GBE1: variants seen among roughly 807,000 people sequenced by gnomAD.
GBE1 encodes 1,4-alpha-glucan-branching enzyme.
A neutral mutation model predicts 88.8 loss-of-function variants in GBE1; 70 were observed. That is an observed-to-expected ratio of 0.79 (90% CI 0.65 to 0.96). GBE1 has a LOEUF of 0.96. Ranked by LOEUF, GBE1 falls within the 40% of genes least tolerant of loss-of-function variation. The pLI is 0.00. For synonymous variants in GBE1, 284 were observed against 300.1 expected (o/e 0.95, Z 0.56); for missense variants, 872 against 871.0 (o/e 1.00, Z -0.01).
intron 1 of GBE1, among the ~76,000 whole-genome samples, chr3:81,724,976 T>C (rs1304792690): frequency 6.6e-6 from 1 of 152,172 alleles, no homozygotes; most frequent in Non-Finnish European, 1.5e-5. Flanking sequence ...CCAAAATGCC[T>C]GTTACTGGAC....
chr3:81,724,169 G>A (rs1001543852), intron 1 of GBE1, among the ~76,000 whole-genome samples: 4 of 152,216 alleles, frequency 2.6e-5, no homozygotes, highest in South Asian at 2.1e-4. Context: ...CAGTGAACAT[G>A]GCTATAATTG....
At chr3:81,682,262 A>G (rs1232619443) in intron 2 of GBE1, among the ~76,000 whole-genome samples, 1 of 152,132 alleles carries the variant, frequency 6.6e-6, no homozygotes, top group African/African-American at 2.4e-5. Context: ...CAGGAATTCA[A>G]GACCACCCTG....
At chr3:81,719,441 T>C (rs543713186) in intron 1 of GBE1, among the ~76,000 whole-genome samples, 1 of 152,244 alleles carries the variant, frequency 6.6e-6, no homozygotes, top group Non-Finnish European at 1.5e-5. Flanking sequence ...GGTGTCAAAC[T>C]CCTGACCTCA....
chr3:81,604,132 C>A (rs927167984), intron 7 of GBE1, among the ~76,000 whole-genome samples: 5 of 152,042 alleles, frequency 3.3e-5, no homozygotes, highest in Admixed American at 1.3e-4. Context: ...CCTGTTTTCC[C>A]AACATAATCA....
At chr3:81,613,004 G>T in intron 7 of GBE1, 1 of 495,000 alleles carries the variant, frequency 2.0e-6, no homozygotes, top group Non-Finnish European at 3.4e-6. Flanking sequence ...ATGAAGTAGG[G>T]GATAAGGATG....
chr3:81,718,378 G>A (rs930862639), intron 1 of GBE1, among the ~76,000 whole-genome samples: 2 of 152,150 alleles, frequency 1.3e-5, no homozygotes, highest in African/African-American at 4.8e-5. Context: ...AGTATCTTAT[G>A]GAGTACTTAC....
chr3:81,496,354 G>A (rs557909670), intron 15 of GBE1, among the ~76,000 whole-genome samples: 1 of 152,314 alleles, frequency 6.6e-6, no homozygotes, highest in African/African-American at 2.4e-5. Context: ...GCTGCAGCAT[G>A]TATGGCTATT....
At chr3:81,569,232 G>T (rs1469911749) in intron 12 of GBE1, among the ~76,000 whole-genome samples, 4 of 151,376 alleles carry the variant, frequency 2.6e-5, no homozygotes, top group Admixed American at 1.3e-4. Context: ...AAACAATAGG[G>T]GAATTAAAAA....
At chr3:81,612,967 C>A in intron 7 of GBE1, 2 of 403,800 alleles carry the variant, frequency 5.0e-6, no homozygotes, top group South Asian at 4.5e-5. Flanking sequence ...GATGATGACG[C>A]AAAGGAGGAA....
intron 7 of GBE1, among the ~76,000 whole-genome samples, chr3:81,603,128 T>C (rs1226245396): frequency 6.6e-6 from 1 of 152,156 alleles, no homozygotes; most frequent in Non-Finnish European, 1.5e-5. Flanking sequence ...CCCTTTCCTC[T>C]TTGTTAGCCT....
At chr3:81,644,104 C>T (rs1191744212) in intron 6 of GBE1, among the ~76,000 whole-genome samples, 1 of 151,794 alleles carries the variant, frequency 6.6e-6, no homozygotes, top group Non-Finnish European at 1.5e-5. Flanking sequence ...ATTTGTTTGC[C>T]ACTTACTAAA....
intron 2 of GBE1, among the ~76,000 whole-genome samples, chr3:81,676,035 A>AT (rs1262115298): frequency 6.6e-6 from 1 of 151,986 alleles, no homozygotes; most frequent in Non-Finnish European, 1.5e-5. Context: ...GTTTCTTATG[A>AT]TTTTCTTAAT....
intron 6 of GBE1, among the ~76,000 whole-genome samples, chr3:81,646,184 C>T (rs367950408): frequency 6.6e-6 from 1 of 152,150 alleles, no homozygotes; most frequent in African/African-American, 2.4e-5. Context: ...CACAAATCAT[C>T]CCACGAGGAG....
At chr3:81,703,456 A>G (rs1310313015) in intron 2 of GBE1, among the ~76,000 whole-genome samples, 4 of 152,024 alleles carry the variant, frequency 2.6e-5, no homozygotes, top group Non-Finnish European at 5.9e-5. Flanking sequence ...CTTTCCAGTA[A>G]AGAAGCCAGT....
chr3:81,629,034 T>A (rs1704465605), intron 7 of GBE1, among the ~76,000 whole-genome samples: 1 of 145,432 alleles, frequency 6.9e-6, no homozygotes. Context: ...TTTTTTTTTT[T>A]TTTTTTATTA....
intron 3 of GBE1, among the ~76,000 whole-genome samples, chr3:81,669,502 C>G (rs1171257563): frequency 6.6e-6 from 1 of 151,982 alleles, no homozygotes; most frequent in African/African-American, 2.4e-5. Context: ...ATCGAAGAAT[C>G]AAATTATTTG....
At chr3:81,680,787 G>C (rs895991606) in intron 2 of GBE1, among the ~76,000 whole-genome samples, 1 of 152,182 alleles carries the variant, frequency 6.6e-6, no homozygotes, top group African/African-American at 2.4e-5. Context: ...TGTATTAAAG[G>C]AATCCCAGAG....
intron 11 of GBE1, among the ~76,000 whole-genome samples, chr3:81,579,109 G>T (rs1391196393): frequency 1.3e-5 from 2 of 151,836 alleles, no homozygotes; most frequent in East Asian, 3.9e-4. Flanking sequence ...CAGGTTCATA[G>T]ATAAAGCTTA....
At chr3:81,544,427 A>C (rs1224635694) in intron 12 of GBE1, among the ~76,000 whole-genome samples, 1 of 152,158 alleles carries the variant, frequency 6.6e-6, no homozygotes, top group East Asian at 1.9e-4. Flanking sequence ...ATGTTCCTCG[A>C]TTCAAAATGA....
Sources: allele counts gnomAD v4.1 joint callset (sites outside exome capture counted in the v4.1 genomes callset), GRCh38; gene constraint gnomAD v4.1.1; transcripts MANE v1.5; gene names NCBI Gene and HGNC (gene_info 2026-07-23, HGNC 2026-07-21).